PCBP3: variants seen among roughly 807,000 people sequenced by gnomAD.
PCBP3 encodes poly(rC) binding protein 3, also known as poly(rC)-binding protein 3.
Under a neutral mutation model 52.7 loss-of-function variants are expected in PCBP3, and 25 were observed. That is an observed-to-expected ratio of 0.47 (90% confidence interval 0.35 to 0.66). PCBP3 has a LOEUF of 0.66. Among genes scored for constraint, PCBP3 ranks in the 30% least tolerant of loss-of-function variants. The pLI is 0.01. For synonymous variants in PCBP3, 162 were observed against 183.0 expected (o/e 0.89, Z 0.93); for missense variants, 391 against 490.3 (o/e 0.80, Z 1.91).
chr21:45,817,614 T>C lies in PCBP3; in HGVS notation c.-125-32347T>C, dbSNP rs766518495. ...ACTGCCGTGAGCAGCAACTTGACAGTGGACGCAGCTAGAAAGCAGCCGGCG... is the reference window on the plus strand; with the variant it reads ...ACTGCCGTGAGCAGCAACTTGACAGCGGACGCAGCTAGAAAGCAGCCGGCG... On this transcript the variant is annotated intron_variant, in intron 4 of 17. Coordinates refer to ENST00000681687, the MANE Select transcript of PCBP3 (RefSeq NM_001384156.1). This position sits in a 1 kb window ranked among gnomAD's most constrained non-coding sequence, Gnocchi z 4.3. Among the ~76,000 whole-genome samples, 5 of 152,222 alleles carry C rather than the reference T, an allele frequency of 3.3e-5. No individual in the cohort carries two copies. The highest frequency in any genetic ancestry group is 9.7e-5 in the African/African-American group (4 of 41,450).
intron 1 of PCBP3, among the ~76,000 whole-genome samples, chr21:45,664,781 C>A (rs1172495581): frequency 2.1e-5 from 3 of 140,240 alleles, no homozygotes; most frequent in Middle Eastern, 3.2e-3. Flanking sequence ...CCCCACCCCA[C>A]CACAGTCCCC....
At chr21:45,813,421 T>C (rs2092736683) in intron 4 of PCBP3, among the ~76,000 whole-genome samples, 3 of 152,232 alleles carry the variant, frequency 2.0e-5, no homozygotes, top group Admixed American at 2.0e-4. Context: ...TCACTCATTA[T>C]GTTCAGTTTG....
At chr21:45,818,363 T>TCA (rs759996680) in intron 4 of PCBP3, among the ~76,000 whole-genome samples, 1 of 152,168 alleles carries the variant, frequency 6.6e-6, no homozygotes, top group Non-Finnish European at 1.5e-5. Flanking sequence ...GCATTGGGGC[T>TCA]CACTGTGTTG....
intron 5 of PCBP3, among the ~76,000 whole-genome samples, chr21:45,889,138 C>T (rs908359442): frequency 2.6e-5 from 4 of 152,194 alleles, no homozygotes; most frequent in Non-Finnish European, 5.9e-5. Context: ...GGGTCTGTTT[C>T]GTCTGTGGAG....
At position 45,904,397 on chromosome 21, in the gene PCBP3, T is replaced by C. The variant is rs570252840; in HGVS notation, c.339+3284T>C. Among the ~76,000 whole-genome samples the C allele has an allele frequency of 3.9e-5, 6 of 152,258 alleles. No individual in the cohort carries two copies. The East Asian group carries it at 1.2e-3, about 29-fold the overall frequency. On this transcript the variant is annotated intron_variant, in intron 9 of 17. Coordinates refer to ENST00000681687, the MANE Select transcript of PCBP3 (RefSeq NM_001384156.1). The surrounding 1 kb of genome is among the most constrained non-coding windows in gnomAD (Gnocchi z 4.8). ...TCGAGGGATTTGGAGTTTTCATCTT[T>C]TGGTCCTTTGGTTTTTCCAGAAGAC...
chr21:45,784,420 C>CTCCTACCTCCTACCT (rs1555934355), intron 4 of PCBP3, among the ~76,000 whole-genome samples: 6 of 125,262 alleles, frequency 4.8e-5, no homozygotes, highest in Admixed American at 2.3e-4. Context: ...CTACCGCTAC[C>CTCCTACCTCCTACCT]CCTACCTCCT....
In PCBP3 at chr21:45,880,668, C is replaced by T. The variant is rs1251253877; in HGVS notation, c.11-15540C>T. Reference sequence around the variant, plus strand: ...GGAGGAGACACGTGTGCCCTCTGCCCTCTCGGTGCCAGGGTGGCCCCAGGT... The same window carrying T: ...GGAGGAGACACGTGTGCCCTCTGCCTTCTCGGTGCCAGGGTGGCCCCAGGT... On this transcript the variant is annotated intron_variant, in intron 5 of 17. Transcript: ENST00000681687. The surrounding 1 kb of genome is among the most constrained non-coding windows in gnomAD (Gnocchi z 5.4). Among the ~76,000 whole-genome samples the T allele has an allele frequency of 2.6e-5, 4 of 152,094 alleles. No individual in the cohort carries two copies. Among genetic ancestry groups the T allele is most frequent in the Admixed American group, 2.6e-4 (4 of 15,270 alleles).
chr21:45,815,404 G>A (rs1324157049), intron 4 of PCBP3, among the ~76,000 whole-genome samples: 2 of 104,738 alleles, frequency 1.9e-5, no homozygotes, highest in Admixed American at 1.8e-4. Context: ...AGTGGTGAGT[G>A]AGTGGTGAGT....
chr21:45,684,172 G>A (rs1035989010), intron 2 of PCBP3, among the ~76,000 whole-genome samples: 9 of 152,046 alleles, frequency 5.9e-5, no homozygotes, highest in African/African-American at 2.2e-4. Flanking sequence ...AGGCAGCCAT[G>A]AGCTATGATC....
At chr21:45,815,078 G>GTGA (rs2092848773) in intron 4 of PCBP3, among the ~76,000 whole-genome samples, 1 of 32,280 alleles carries the variant, frequency 3.1e-5, no homozygotes. Context: ...ATGAGTGATG[G>GTGA]GTGAGTGGTG....
At chr21:45,851,263 C>A (rs143848779) in intron 5 of PCBP3, among the ~76,000 whole-genome samples, 2,870 of 152,260 alleles carry the variant, frequency 0.019, 94 homozygotes, top group African/African-American at 0.066. Flanking sequence ...GCCTGTAATC[C>A]CAGCACTTTG....
At chr21:45,753,218 T>C (rs913918233) in intron 3 of PCBP3, among the ~76,000 whole-genome samples, 8 of 151,854 alleles carry the variant, frequency 5.3e-5, no homozygotes, top group African/African-American at 9.7e-5. Context: ...GCTGGTATGA[T>C]TGGATTAATA....
chr21:45,873,822 G>T (rs2095136389), intron 5 of PCBP3, among the ~76,000 whole-genome samples: 1 of 152,276 alleles, frequency 6.6e-6, no homozygotes, highest in African/African-American at 2.4e-5. Flanking sequence ...TTGAGACAGG[G>T]TCTCGCTCTG....
intron 5 of PCBP3, among the ~76,000 whole-genome samples, chr21:45,891,592 A>C (rs1404872190): frequency 6.6e-6 from 1 of 152,116 alleles, no homozygotes; most frequent in Non-Finnish European, 1.5e-5. Context: ...GAGTGGGAGC[A>C]CGGACCACAG....
chr21:45,747,592 C>T (rs1042840700), intron 3 of PCBP3, among the ~76,000 whole-genome samples: 2 of 152,236 alleles, frequency 1.3e-5, no homozygotes, highest in African/African-American at 4.8e-5. Flanking sequence ...GCCCCAGAAC[C>T]AGGAGGGCCA....
intron 2 of PCBP3, among the ~76,000 whole-genome samples, chr21:45,682,135 T>C (rs535266035): frequency 1.8e-4 from 28 of 152,306 alleles, no homozygotes; most frequent in Non-Finnish European, 2.8e-4. Context: ...GTTTTCTGTC[T>C]TGCTAGGCTG....
chr21:45,837,487 CAT>C lies in PCBP3; in HGVS notation c.-125-12473_-125-12472del, dbSNP rs1445609992. Among the ~76,000 whole-genome samples, 2 of 152,214 alleles carry C rather than the reference CAT, an allele frequency of 1.3e-5. No homozygotes were observed. The highest frequency in any genetic ancestry group is 4.8e-5 in the African/African-American group (2 of 41,454). ...GGCGCCCTAGCTTCAGGTTATAGGGCATGGCTACGTGCCTGTGGAAATTCTCC... is the reference window on the plus strand; with the variant it reads ...GGCGCCCTAGCTTCAGGTTATAGGGCGGCTACGTGCCTGTGGAAATTCTCC... On this transcript the variant is annotated intron_variant, in intron 4 of 17. Coordinates refer to ENST00000681687, the MANE Select transcript of PCBP3 (RefSeq NM_001384156.1). This position sits in a 1 kb window ranked among gnomAD's most constrained non-coding sequence, Gnocchi z 4.1.
chr21:45,718,254 C>A (rs777848969), intron 2 of PCBP3, among the ~76,000 whole-genome samples: 10 of 145,136 alleles, frequency 6.9e-5, no homozygotes, highest in Non-Finnish European at 1.1e-4. Flanking sequence ...ATTTTTTGAT[C>A]TTTTCAAGAA....
chr21:45,878,594 G>T (rs774465678), intron 5 of PCBP3, among the ~76,000 whole-genome samples: 2 of 152,206 alleles, frequency 1.3e-5, no homozygotes, highest in Admixed American at 6.5e-5. Flanking sequence ...CACACACGTG[G>T]CACAGAGCTA....
Sources: allele counts gnomAD v4.1 joint callset (sites outside exome capture counted in the v4.1 genomes callset), GRCh38; gene constraint gnomAD v4.1.1; non-coding constraint Gnocchi (gnomAD v3.1); transcripts MANE v1.5; gene names NCBI Gene and HGNC (gene_info 2026-07-23, HGNC 2026-07-21).